Variants in KLHDC2 observed in about 807,000 individuals in gnomAD.
KLHDC2 encodes the protein kelch domain containing 2, also known as kelch domain-containing protein 2.
KLHDC2 carries 38 observed loss-of-function variants against 62.3 expected under a neutral mutation model. That is an observed-to-expected ratio of 0.61 (90% confidence interval 0.47 to 0.80). The LOEUF is 0.80. Among genes scored for constraint, KLHDC2 ranks in the 30% least tolerant of loss-of-function variants. KLHDC2 has a pLI of 0.00. For missense variants in KLHDC2, 430 were observed against 495.3 expected (o/e 0.87, Z 1.25); for synonymous variants, 159 against 161.0 (o/e 0.99, Z 0.09).
Position 49,775,384 on chromosome 14 carries a change from A to G in KLHDC2, c.351+706A>G, listed in dbSNP as rs113610662. ...TCTCACCTCCTGGAACTCACATTCT[A>G]GAAGGGACACATATAGTAAGTAAAC... On this transcript the variant is annotated intron_variant, in intron 3 of 12. Transcript: ENST00000298307. Among the ~76,000 whole-genome samples, 504 of 152,320 alleles carry G rather than the reference A, an allele frequency of 3.3e-3. 1 individual carries two copies. The highest frequency in any genetic ancestry group is 5.5e-3 in the Non-Finnish European group (376 of 68,020).
At chr14:49,775,438 C>G (rs1050951561) in intron 3 of KLHDC2, among the ~76,000 whole-genome samples, 13 of 152,270 alleles carry the variant, frequency 8.5e-5, no homozygotes, top group African/African-American at 3.1e-4. Context: ...TAGAGAGATA[C>G]ACAGCACCTG....
rs774280041 is a variant in KLHDC2 at position 49,785,133 on chromosome 14, T to C, written c.*2180T>C. On this transcript the variant is annotated 3_prime_UTR_variant, in exon 13 of 13. Coordinates refer to ENST00000298307, the MANE Select transcript of KLHDC2 (RefSeq NM_014315.3). ...CACTCCAGGAGTAAGTTTCACTTTATATCTTTAAAAAGGAATTACATGTGT... is the reference window on the plus strand; with the variant it reads ...CACTCCAGGAGTAAGTTTCACTTTACATCTTTAAAAAGGAATTACATGTGT... 6.2e-7 allele frequency: 1 copy of C among 1,606,102 alleles called. No homozygotes were observed. Among genetic ancestry groups the C allele is most frequent in the South Asian group, 1.1e-5 (1 of 90,914 alleles).
At position 49,785,027 on chromosome 14, in the gene KLHDC2, G is replaced by T. The variant is rs1479183131; in HGVS notation, c.*2074G>T. Reference sequence around the variant, plus strand: ...CAGCTGTAAATACAAAAAAGAGTAAGAATAATCTACTGTTAAGTCACTGAA... The same window carrying T: ...CAGCTGTAAATACAAAAAAGAGTAATAATAATCTACTGTTAAGTCACTGAA... On this transcript the variant is annotated 3_prime_UTR_variant, in exon 13 of 13. Transcript: ENST00000298307. The T allele has an allele frequency of 5.6e-6, 9 of 1,608,950 alleles. No homozygotes were observed. Among genetic ancestry groups the T allele is most frequent in the Non-Finnish European group, 6.8e-6 (8 of 1,175,546 alleles).
At position 49,768,340 on chromosome 14, in the gene KLHDC2, C is replaced by T. The variant is rs1889586549; in HGVS notation, c.-129C>T. ...ACGCGAGCGCAGGCGGCAGAGAGGC[C>T]TCAACGCCGTCCCTTTCGCCACCGC... On this transcript the variant is annotated 5_prime_UTR_variant, in exon 1 of 13. Transcript: ENST00000298307. 1.8e-6 allele frequency: 2 copies of T among 1,088,632 alleles called. No homozygotes were observed. The highest frequency in any genetic ancestry group is 1.3e-6 in the Non-Finnish European group (1 of 774,664). The allele number at this position is 1,088,632 out of a possible 1,614,324, so 67.4% of individuals were successfully genotyped here.
Position 49,783,166 on chromosome 14 carries a change from A to G in KLHDC2, c.*213A>G. 1 of 371,292 alleles carries G rather than the reference A, an allele frequency of 2.7e-6. No homozygotes were observed. 23.0% of individuals were successfully genotyped at this position (371,292 alleles called of 1,614,324 possible). On this transcript the variant is annotated 3_prime_UTR_variant, in exon 13 of 13. Coordinates refer to ENST00000298307, the MANE Select transcript of KLHDC2 (RefSeq NM_014315.3). ...AGCTGTCCTCTATTAAAGTAAAGTA[A>G]TGGTTGGGCTTTTTACCCTGAAGAA...
Position 49,784,482 on chromosome 14 carries a change from A to C in KLHDC2, c.*1529A>C, listed in dbSNP as rs1221656656. 1 of 590,160 alleles carries C rather than the reference A, an allele frequency of 1.7e-6. No homozygotes were observed. Among genetic ancestry groups the C allele is most frequent in the Non-Finnish European group, 3.0e-6 (1 of 335,812 alleles). The allele number at this position is 590,160 out of a possible 1,614,324, so 36.6% of individuals were successfully genotyped here. Reference sequence around the variant, plus strand: ...GTGTTTCCTCTATATAAAACTGGGAAAAAACAAGAAGTAAGTCCTTTTGGT... The same window carrying C: ...GTGTTTCCTCTATATAAAACTGGGACAAAACAAGAAGTAAGTCCTTTTGGT... On this transcript the variant is annotated 3_prime_UTR_variant, in exon 13 of 13. Transcript: ENST00000298307.
Position 49,784,562 on chromosome 14 carries a change from T to C in KLHDC2, c.*1609T>C. On this transcript the variant is annotated 3_prime_UTR_variant, in exon 13 of 13. Coordinates refer to ENST00000298307, the MANE Select transcript of KLHDC2 (RefSeq NM_014315.3). Reference sequence around the variant, plus strand: ...TTTATAATGCGGAAATCCTGATACATGGTGCTTTCATCTTTGAACTTCCAA... The same window carrying C: ...TTTATAATGCGGAAATCCTGATACACGGTGCTTTCATCTTTGAACTTCCAA... 6.1e-6 allele frequency: 6 copies of C among 979,394 alleles called. No homozygotes were observed. The highest frequency in any genetic ancestry group is 6.4e-6 in the Non-Finnish European group (4 of 626,306). The allele number at this position is 979,394 out of a possible 1,614,324, so 60.7% of individuals were successfully genotyped here.
intron 1 of KLHDC2, among the ~76,000 whole-genome samples, chr14:49,771,176 C>G (rs1050314437): frequency 1.4e-4 from 22 of 152,032 alleles, no homozygotes; most frequent in Non-Finnish European, 3.1e-4. Flanking sequence ...TGGTGAAACC[C>G]TGTCTCTACT....
intron 10 of KLHDC2, among the ~76,000 whole-genome samples, chr14:49,781,366 T>A: frequency 1.0e-4 from 1 of 10,048 alleles, no homozygotes. Flanking sequence ...TGAAACTCTG[T>A]CTCAAAAAAA....
At position 49,768,194 on chromosome 14, in the gene KLHDC2, C is replaced by T. The variant is rs1024429088; in HGVS notation, c.-275C>T. On this transcript the variant is annotated 5_prime_UTR_variant, in exon 1 of 13. Coordinates refer to ENST00000298307, the MANE Select transcript of KLHDC2 (RefSeq NM_014315.3). ...GGAGCCGGCCCGACGCGGACCGCTT[C>T]CCTGCAGTGCCCCGAGTCCCGGGCC... 6 of 298,060 alleles carry T rather than the reference C, an allele frequency of 2.0e-5. No individual in the cohort carries two copies. Among genetic ancestry groups the T allele is most frequent in the African/African-American group, 4.4e-5 (2 of 45,418 alleles). 18.5% of individuals were successfully genotyped at this position (298,060 alleles called of 1,614,324 possible).
chr14:49,776,958 A>C (rs1023169953), intron 3 of KLHDC2, among the ~76,000 whole-genome samples: 1 of 150,880 alleles, frequency 6.6e-6, no homozygotes, highest in African/African-American at 2.4e-5. Context: ...TATGGCTATC[A>C]GCACAATTTT....
chr14:49,768,538 A>G lies in KLHDC2; in HGVS notation c.70A>G (p.Met24Val). 1.9e-6 allele frequency: 3 copies of G among 1,610,756 alleles called. No homozygotes were observed. The highest frequency in any genetic ancestry group is 1.3e-5 in the African/African-American group (1 of 74,620). ...PGPAFESYESMELACPAERSG... is the reference protein window; with the variant it reads ...PGPAFESYESVELACPAERSG... ...GCCAGCCTTCGAGAGCTATGAGTCC[A>G]TGGAGCTTGCCTGCCCCGCTGAGCG... The change falls in exon 1 of 13, where the codon ATG becomes GTG. Residue 24 changes from methionine (M) to valine (V), a missense_variant. Coordinates refer to ENST00000298307, the MANE Select transcript of KLHDC2 (RefSeq NM_014315.3).
chr14:49,779,483 C>T (rs1047126333), intron 6 of KLHDC2, 112 bp from the exon 7 acceptor site: 1 of 726,886 alleles, frequency 1.4e-6, no homozygotes, highest in East Asian at 2.7e-5. Flanking sequence ...TCTACACTCC[C>T]AACTTTTAAA....
At chr14:49,779,520 C>T in intron 6 of KLHDC2, 75 bp from the exon 7 acceptor site, 2 of 1,101,338 alleles carry the variant, frequency 1.8e-6, no homozygotes, top group Non-Finnish European at 2.7e-6. Context: ...ATATTCTTAT[C>T]CCATATCCAG....
chr14:49,779,228 T>C (rs1889835770), intron 6 of KLHDC2, among the ~76,000 whole-genome samples: 1 of 152,218 alleles, frequency 6.6e-6, no homozygotes, highest in African/African-American at 2.4e-5. Flanking sequence ...TGTAATTAAA[T>C]AACTCTGCAC....
intron 3 of KLHDC2, 43 bp from the exon 4 acceptor site, chr14:49,777,796 C>G (rs771442694): frequency 4.8e-6 from 5 of 1,041,470 alleles, no homozygotes; most frequent in Non-Finnish European, 7.1e-6. Flanking sequence ...ACTTGAATTT[C>G]TTTCATAAAA....
At chr14:49,782,695 A>G (rs1258393259) in intron 12 of KLHDC2, 101 bp downstream of exon 12, 6 of 1,366,474 alleles carry the variant, frequency 4.4e-6, no homozygotes, top group African/African-American at 1.5e-5. Context: ...AAGGGCAATA[A>G]AACTTCATTG....
intron 10 of KLHDC2, among the ~76,000 whole-genome samples, chr14:49,781,227 C>T (rs1466971179): frequency 1.3e-5 from 2 of 151,908 alleles, no homozygotes; most frequent in Non-Finnish European, 2.9e-5. Context: ...ATTAGCTGGG[C>T]GTGGTGGCGT....
chr14:49,778,566 G>A, intron 6 of KLHDC2, 72 bp downstream of exon 6: 1 of 668,586 alleles, frequency 1.5e-6, no homozygotes, highest in Non-Finnish European at 2.7e-6. Context: ...TAGGGGAGAG[G>A]GGTGCACCAG....
Sources: gnomAD v4.1 joint callset for allele counts (sites outside exome capture counted in the v4.1 genomes callset) on GRCh38, gnomAD v4.1.1 for gene constraint, MANE v1.5 for transcripts, NCBI Gene and HGNC (gene_info 2026-07-23, HGNC 2026-07-21) for gene names.